PACRG: variants seen among roughly 807,000 people sequenced by gnomAD.
PACRG encodes parkin coregulated gene protein.
PACRG carries 29 observed loss-of-function variants against 29.7 expected under a neutral mutation model. The observed-to-expected ratio is 0.98, with a 90% CI of 0.73 to 1.33. PACRG has a LOEUF of 1.33. Ranked by LOEUF, PACRG falls within the 40% of genes most tolerant of loss-of-function variation. PACRG has a pLI of 0.00. For missense variants in PACRG, 279 were observed against 316.2 expected, an observed-to-expected ratio of 0.88 and a Z score of 0.89; for synonymous variants, 116 against 118.7, an observed-to-expected ratio of 0.98 and a Z score of 0.15.
intron 2 of PACRG, among the ~76,000 whole-genome samples, chr6:162,907,546 G>A (rs769917834): frequency 6.6e-6 from 1 of 152,068 alleles, no homozygotes; most frequent in Admixed American, 6.5e-5. Flanking sequence ...GGTTTTTCTG[G>A]TGTGACTTCA....
chr6:163,163,584 T>G (rs1778659631), intron 4 of PACRG, among the ~76,000 whole-genome samples: 1 of 152,210 alleles, frequency 6.6e-6, no homozygotes, highest in African/African-American at 2.4e-5. Flanking sequence ...CAGCTCCACT[T>G]TTGAGCTAGA....
intron 2 of PACRG, among the ~76,000 whole-genome samples, chr6:162,977,328 T>C (rs1024288226): frequency 4.6e-5 from 7 of 152,106 alleles, no homozygotes; most frequent in Admixed American, 2.6e-4. Context: ...TAAAAGTCCT[T>C]CTTCTGAACT....
intron 4 of PACRG, among the ~76,000 whole-genome samples, chr6:163,224,148 C>T (rs974023498): frequency 6.6e-6 from 1 of 151,942 alleles, no homozygotes; most frequent in Non-Finnish European, 1.5e-5. Flanking sequence ...GTGGGAAGAT[C>T]ACCTGAGGTC....
chr6:162,819,322 G>A (rs569826139), intron 2 of PACRG, among the ~76,000 whole-genome samples: 219 of 152,214 alleles, frequency 1.4e-3, no homozygotes, highest in African/African-American at 5.1e-3. Context: ...TTAAAATTTA[G>A]ATCTCCAGAC....
intron 2 of PACRG, among the ~76,000 whole-genome samples, chr6:162,941,038 GTGTT>G (rs942653767): frequency 1.8e-4 from 9 of 49,074 alleles, no homozygotes; most frequent in African/African-American, 5.6e-4. Context: ...GTATATGTGT[GTGTT>G]TGTGCATGTG....
Position 162,810,993 on chromosome 6 carries a change from G to A in PACRG, c.157-3154G>A, listed in dbSNP as rs565984055. Among the ~76,000 whole-genome samples, 21 of 152,184 alleles carry A rather than the reference G, an allele frequency of 1.4e-4. 2 individuals are homozygous for A. In the South Asian group the frequency reaches 1.4e-3, roughly 10 times the overall value. On this transcript the variant is annotated intron_variant, in intron 1 of 4. Transcript: ENST00000366888. ...AAAGAAATGCATGCAAAGGCACATC[G>A]TAATTAAACTTCTGAAAATTAAAGA...
At chr6:163,136,466 A>C (rs1816940582) in intron 4 of PACRG, among the ~76,000 whole-genome samples, 1 of 152,236 alleles carries the variant, frequency 6.6e-6, no homozygotes. Flanking sequence ...GTTTATGGGA[A>C]ATTTCCACGT....
intron 2 of PACRG, among the ~76,000 whole-genome samples, chr6:162,966,004 C>G (rs1800990637): frequency 6.6e-6 from 1 of 152,152 alleles, no homozygotes; most frequent in Admixed American, 6.5e-5. Flanking sequence ...TGGATGGTTT[C>G]AGGAGTGAAG....
intron 4 of PACRG, among the ~76,000 whole-genome samples, chr6:163,179,704 T>C (rs1304926535): frequency 3.6e-5 from 4 of 110,044 alleles, no homozygotes; most frequent in African/African-American, 1.0e-4. Flanking sequence ...GCAAGATCTG[T>C]CTCAAAAAAA....
chr6:163,201,681 G>C (rs748928981), intron 4 of PACRG, among the ~76,000 whole-genome samples: 1 of 152,238 alleles, frequency 6.6e-6, no homozygotes, highest in African/African-American at 2.4e-5. Context: ...AGGATGCAGC[G>C]TAAGAACCTG....
At chr6:163,113,543 C>T (rs1243610974) in intron 4 of PACRG, among the ~76,000 whole-genome samples, 1 of 152,182 alleles carries the variant, frequency 6.6e-6, no homozygotes, top group East Asian at 1.9e-4. Context: ...AGATTAACAA[C>T]TGACTTCTCA....
chr6:163,229,559 G>A (rs1304483997), intron 4 of PACRG, among the ~76,000 whole-genome samples: 1 of 152,212 alleles, frequency 6.6e-6, no homozygotes, highest in Non-Finnish European at 1.5e-5. Context: ...GCCACAGCTT[G>A]AATAACCTGC....
chr6:163,272,432 A>G (rs547585332), intron 4 of PACRG, among the ~76,000 whole-genome samples: 17 of 152,304 alleles, frequency 1.1e-4, no homozygotes, highest in Non-Finnish European at 2.2e-4. Context: ...AAAATTTACA[A>G]TCCTCCTAAA....
intron 4 of PACRG, among the ~76,000 whole-genome samples, chr6:163,151,583 C>T (rs1341182419): frequency 6.6e-6 from 1 of 152,110 alleles, no homozygotes; most frequent in Non-Finnish European, 1.5e-5. Context: ...ATTATTTGTC[C>T]TCGATAGGAA....
At chr6:162,741,002 G>A (rs1056920950) in intron 1 of PACRG, among the ~76,000 whole-genome samples, 2 of 152,110 alleles carry the variant, frequency 1.3e-5, no homozygotes, top group Admixed American at 1.3e-4. Flanking sequence ...ATGATTATAA[G>A]ATTTGTTCCT....
intron 1 of PACRG, among the ~76,000 whole-genome samples, chr6:162,767,774 C>T (rs913513322): frequency 1.3e-5 from 2 of 151,722 alleles, no homozygotes; most frequent in Non-Finnish European, 3.0e-5. Flanking sequence ...TATGGGGTTT[C>T]CCCCTCCTTT....
intron 1 of PACRG, among the ~76,000 whole-genome samples, chr6:162,780,118 G>T (rs966137511): frequency 1.6e-4 from 24 of 152,310 alleles, no homozygotes; most frequent in Non-Finnish European, 3.4e-4. Context: ...ACTAACAGAG[G>T]CAGGGGAAAG....
chr6:163,277,224 A>T (rs1398372362), intron 4 of PACRG, among the ~76,000 whole-genome samples: 1 of 151,874 alleles, frequency 6.6e-6, no homozygotes, highest in Non-Finnish European at 1.5e-5. Context: ...TGTACACTGT[A>T]CCCAATGTGT....
At chr6:162,796,752 G>A (rs926955689) in intron 1 of PACRG, among the ~76,000 whole-genome samples, 8 of 150,630 alleles carry the variant, frequency 5.3e-5, no homozygotes, top group African/African-American at 1.7e-4. Flanking sequence ...TCTCTCTCTC[G>A]ATTTGTGTTA....
Sources: gnomAD v4.1 joint callset for allele counts (sites outside exome capture counted in the v4.1 genomes callset) on GRCh38, gnomAD v4.1.1 for gene constraint, MANE v1.5 for transcripts, NCBI Gene and HGNC (gene_info 2026-07-23, HGNC 2026-07-21) for gene names.